Variants in TTLL7 observed in about 807,000 individuals in gnomAD.
TTLL7 encodes tubulin polyglutamylase TTLL7.
Under a neutral mutation model 120.2 loss-of-function variants are expected in TTLL7, and 53 were observed. The observed-to-expected ratio is 0.44, with a 90% CI of 0.35 to 0.55. The LOEUF is 0.55. Among genes scored for constraint, TTLL7 ranks in the 20% least tolerant of loss-of-function variants. The pLI is 0.00. For missense variants in TTLL7, 803 were observed against 1,054.7 expected, an observed-to-expected ratio of 0.76 and a Z score of 3.31; for synonymous variants, 353 against 351.7, an observed-to-expected ratio of 1.00 and a Z score of -0.04.
intron 6 of TTLL7, among the ~76,000 whole-genome samples, chr1:83,944,945 T>C (rs1255947167): frequency 6.6e-6 from 1 of 152,196 alleles, no homozygotes; most frequent in Non-Finnish European, 1.5e-5. Context: ...GACTGGATTA[T>C]TATAAATTAA....
chr1:83,910,716 T>C (rs1344684144), intron 15 of TTLL7, among the ~76,000 whole-genome samples: 4 of 152,138 alleles, frequency 2.6e-5, no homozygotes, highest in South Asian at 2.1e-4. Flanking sequence ...TTCACAATTA[T>C]GTAACTTACA....
intron 17 of TTLL7, among the ~76,000 whole-genome samples, chr1:83,905,169 C>T (rs925165132): frequency 2.0e-5 from 3 of 151,724 alleles, no homozygotes; most frequent in African/African-American, 7.3e-5. Context: ...TAAATAAAAG[C>T]ACATCTAGTA....
At chr1:83,956,910 T>C (rs1649581147) in intron 1 of TTLL7, among the ~76,000 whole-genome samples, 1 of 152,210 alleles carries the variant, frequency 6.6e-6, no homozygotes. Context: ...TCTGTATATG[T>C]ATTACCTGTT....
chr1:83,884,351 G>C (rs1271812622), intron 19 of TTLL7, among the ~76,000 whole-genome samples: 1 of 151,748 alleles, frequency 6.6e-6, no homozygotes, highest in Non-Finnish European at 1.5e-5. Flanking sequence ...TTACCAATGG[G>C]AAACACAAAG....
At chr1:83,991,316 C>T (rs139423256) in intron 1 of TTLL7, among the ~76,000 whole-genome samples, 1 of 152,166 alleles carries the variant, frequency 6.6e-6, no homozygotes, top group East Asian at 1.9e-4. Context: ...CTGCACTGTA[C>T]ATTTAAAAAT....
intron 1 of TTLL7, among the ~76,000 whole-genome samples, chr1:83,966,391 C>A (rs1284609488): frequency 6.6e-6 from 1 of 152,002 alleles, no homozygotes; most frequent in Non-Finnish European, 1.5e-5. Flanking sequence ...CTCCCCCCAA[C>A]CCCTCTCCAT....
intron 1 of TTLL7, among the ~76,000 whole-genome samples, chr1:83,968,008 A>C (rs1321450643): frequency 1.3e-5 from 2 of 152,062 alleles, no homozygotes; most frequent in Admixed American, 1.3e-4. Flanking sequence ...TTTAACCTGC[A>C]GCCGTTCCCA....
At chr1:83,923,543 A>G (rs530107228) in intron 10 of TTLL7, among the ~76,000 whole-genome samples, 1 of 152,302 alleles carries the variant, frequency 6.6e-6, no homozygotes, top group East Asian at 1.9e-4. Flanking sequence ...GTTTGAACAC[A>G]CACAAAGAAG....
intron 15 of TTLL7, among the ~76,000 whole-genome samples, chr1:83,908,700 C>T (rs1657423361): frequency 6.6e-6 from 1 of 151,606 alleles, no homozygotes; most frequent in South Asian, 2.1e-4. Context: ...TCTATATATC[C>T]TCTGTTCTGT....
intron 16 of TTLL7, among the ~76,000 whole-genome samples, chr1:83,906,994 G>A (rs1657248709): frequency 6.6e-6 from 1 of 151,918 alleles, no homozygotes; most frequent in South Asian, 2.1e-4. Context: ...GCTAACAAGG[G>A]AATACTATAT....
intron 9 of TTLL7, among the ~76,000 whole-genome samples, chr1:83,930,979 G>T (rs1659549728): frequency 6.6e-6 from 1 of 150,408 alleles, no homozygotes; most frequent in Non-Finnish European, 1.5e-5. Context: ...TTTCAATTTA[G>T]GTTTTCATTC....
At chr1:83,941,904 T>C (rs912368608) in intron 7 of TTLL7, among the ~76,000 whole-genome samples, 1 of 152,334 alleles carries the variant, frequency 6.6e-6, no homozygotes, top group East Asian at 1.9e-4. Flanking sequence ...TGTCTCAACT[T>C]CACATTGGTC....
chr1:83,893,692 A>G (rs1655981700), intron 18 of TTLL7, among the ~76,000 whole-genome samples: 1 of 152,122 alleles, frequency 6.6e-6, no homozygotes. Flanking sequence ...AAATTTAGTA[A>G]AAAGCTTTCA....
intron 1 of TTLL7, among the ~76,000 whole-genome samples, chr1:83,975,243 C>T (rs549945905): frequency 2.6e-5 from 4 of 152,200 alleles, no homozygotes; most frequent in African/African-American, 7.2e-5. Flanking sequence ...ATACTGATAC[C>T]TGGCTCCCAG....
chr1:83,911,398 T>G, intron 14 of TTLL7, 35 bp from the exon 15 acceptor site: 1 of 1,533,700 alleles, frequency 6.5e-7, no homozygotes, highest in Non-Finnish European at 8.9e-7. Flanking sequence ...TTTGTTAGAA[T>G]TCTTAAAAAA....
At position 83,867,121 on chromosome 1, in the gene TTLL7, C is replaced by G. The variant is rs1441840693; in HGVS notation, c.*2841G>C. ...TTTTCAAATAAAGCTATTTTCTCTCCTAGAAAAGGGAGTCACACCTGTACA... is the reference window on the plus strand; with the variant it reads ...TTTTCAAATAAAGCTATTTTCTCTCGTAGAAAAGGGAGTCACACCTGTACA... On this transcript the variant is annotated 3_prime_UTR_variant, in exon 21 of 21. Transcript: ENST00000260505. 6.6e-6 allele frequency: 1 copy of G among 151,864 alleles called. No homozygotes were observed. Among genetic ancestry groups the G allele is most frequent in the Non-Finnish European group, 1.5e-5 (1 of 67,852 alleles). 9.4% of individuals were successfully genotyped at this position (151,864 alleles called of 1,614,324 possible). A position where few individuals can be genotyped will look rare whatever the true frequency, so the allele number is the denominator to read the frequency against.
Position 83,995,948 on chromosome 1 carries a change from T to A in TTLL7, c.-177+2983A>T, listed in dbSNP as rs77786591. Among the ~76,000 whole-genome samples the A allele has an allele frequency of 8.3e-3, 1,258 of 152,276 alleles. 20 individuals are homozygous for A. The highest frequency in any genetic ancestry group is 0.028 in the African/African-American group (1,176 of 41,554). On this transcript the variant is annotated intron_variant, in intron 1 of 20. Coordinates refer to ENST00000260505, the MANE Select transcript of TTLL7 (RefSeq NM_024686.6). ...TCATTTTTAAGCCTGCTATTAGGCA[T>A]TTTAAACCTAGTATTAAGCCAGTTG... is the stretch of plus-strand genomic sequence containing the variant.
chr1:83,997,402 A>G (rs1475227748), intron 1 of TTLL7, among the ~76,000 whole-genome samples: 1 of 152,194 alleles, frequency 6.6e-6, no homozygotes, highest in African/African-American at 2.4e-5. Context: ...CATTATTTTT[A>G]CAGAAGGAGC....
At chr1:83,987,904 CA>C (rs1186256086) in intron 1 of TTLL7, among the ~76,000 whole-genome samples, 5 of 152,216 alleles carry the variant, frequency 3.3e-5, no homozygotes, top group South Asian at 4.2e-4. Flanking sequence ...ATTTTAGATT[CA>C]GGGGGTACAT....
Sources: allele counts gnomAD v4.1 joint callset (sites outside exome capture counted in the v4.1 genomes callset), GRCh38; gene constraint gnomAD v4.1.1; transcripts MANE v1.5; gene names NCBI Gene and HGNC (gene_info 2026-07-23, HGNC 2026-07-21).